Variants in CDC42BPA observed in about 807,000 individuals in gnomAD.
CDC42BPA encodes the protein CDC42 binding protein kinase alpha.
CDC42BPA carries 80 observed loss-of-function variants against 223.5 expected under a neutral mutation model. The ratio of observed to expected loss-of-function variants is 0.36; its 90% CI spans 0.30 to 0.43. CDC42BPA has a LOEUF of 0.43. CDC42BPA is among the 20% of genes least tolerant of loss of function. The pLI is 1.00. For missense variants in CDC42BPA, 1,743 were observed against 2,099.9 expected (o/e 0.83, Z 3.32); for synonymous variants, 694 against 718.6 (o/e 0.97, Z 0.55).
chr1:227,146,289 G>C (rs1660694801), intron 7 of CDC42BPA, among the ~76,000 whole-genome samples: 1 of 152,014 alleles, frequency 6.6e-6, no homozygotes, highest in African/African-American at 2.4e-5. Context: ...GGCAGAACCA[G>C]AATTTGAACT....
intron 12 of CDC42BPA, among the ~76,000 whole-genome samples, chr1:227,116,633 A>G (rs1417437966): frequency 6.6e-6 from 1 of 152,236 alleles, no homozygotes; most frequent in Non-Finnish European, 1.5e-5. Flanking sequence ...AAAGAACTTT[A>G]AATATATGGA....
intron 5 of CDC42BPA, among the ~76,000 whole-genome samples, chr1:227,166,480 A>G (rs1273267378): frequency 6.6e-6 from 1 of 152,246 alleles, no homozygotes; most frequent in Non-Finnish European, 1.5e-5. Flanking sequence ...AGTAAGGCGT[A>G]AAACTTACAT....
At chr1:227,000,046 T>C (rs1437360711) in intron 35 of CDC42BPA, among the ~76,000 whole-genome samples, 1 of 151,800 alleles carries the variant, frequency 6.6e-6, no homozygotes, top group Admixed American at 6.6e-5. Flanking sequence ...CATGTATACC[T>C]ATGTAACAAA....
At chr1:227,304,565 A>C (rs1294953156) in intron 1 of CDC42BPA, among the ~76,000 whole-genome samples, 1 of 152,222 alleles carries the variant, frequency 6.6e-6, no homozygotes, top group Non-Finnish European at 1.5e-5. Flanking sequence ...TATGAGTTTC[A>C]TACAATGTTT....
At chr1:227,255,646 C>A (rs1162555176) in intron 1 of CDC42BPA, among the ~76,000 whole-genome samples, 4 of 152,124 alleles carry the variant, frequency 2.6e-5, no homozygotes, top group Non-Finnish European at 5.9e-5. Flanking sequence ...ACAGCAAGAT[C>A]CTGTCTCTTA....
At chr1:227,313,996 A>AC (rs1693962387) in intron 1 of CDC42BPA, among the ~76,000 whole-genome samples, 2 of 91,214 alleles carry the variant, frequency 2.2e-5, no homozygotes, top group African/African-American at 7.6e-5. Context: ...TTTATTTTGT[A>AC]TTAATATTAT....
intron 21 of CDC42BPA, among the ~76,000 whole-genome samples, chr1:227,064,026 G>A (rs765121408): frequency 6.6e-6 from 1 of 152,174 alleles, no homozygotes; most frequent in Non-Finnish European, 1.5e-5. Flanking sequence ...GCCTGCCAAT[G>A]TTGTCAGACT....
chr1:227,123,130 C>T (rs753758353), intron 11 of CDC42BPA, among the ~76,000 whole-genome samples: 1 of 152,168 alleles, frequency 6.6e-6, no homozygotes, highest in Admixed American at 6.5e-5. Context: ...TGGTGAAACC[C>T]CATCTCTACT....
In CDC42BPA at chr1:227,193,824, T is replaced by G; in HGVS notation, c.561A>C (p.Ile187=). The change falls in exon 5 of 37, where the codon ATA becomes ATC. Residue 187 remains isoleucine (I), a synonymous_variant. Transcript: ENST00000366766. ...GTAGCTGATGAACTGAGTCAATTGC[T>G]ATCACCATCTCAGCCAAGTAAAATC... The part of the protein sequence containing the change: ...MARFYLAEMV[I]AIDSVHQLHY... 1.9e-6 allele frequency: 3 copies of G among 1,613,440 alleles called. No homozygotes were observed. Among genetic ancestry groups the G allele is most frequent in the Non-Finnish European group, 2.5e-6 (3 of 1,179,708 alleles).
chr1:227,166,755 C>G (rs1020366865), intron 5 of CDC42BPA, among the ~76,000 whole-genome samples: 3 of 152,120 alleles, frequency 2.0e-5, no homozygotes, highest in African/African-American at 7.2e-5. Context: ...TTAGTGCTCA[C>G]TAGGGGCGGG....
intron 5 of CDC42BPA, among the ~76,000 whole-genome samples, chr1:227,175,710 T>C (rs1031483982): frequency 6.6e-6 from 1 of 152,186 alleles, no homozygotes; most frequent in Non-Finnish European, 1.5e-5. Flanking sequence ...ATTTGACTCC[T>C]GTATCCTTCA....
intron 17 of CDC42BPA, among the ~76,000 whole-genome samples, chr1:227,075,319 C>T (rs754100592): frequency 1.1e-4 from 17 of 152,086 alleles, no homozygotes; most frequent in Non-Finnish European, 2.1e-4. Context: ...AGCATGTATC[C>T]GATGCATACA....
At chr1:227,297,981 C>CACACACACATATATACAT (rs1412656758) in intron 1 of CDC42BPA, among the ~76,000 whole-genome samples, 1 of 139,400 alleles carries the variant, frequency 7.2e-6, no homozygotes, top group African/African-American at 2.8e-5. Flanking sequence ...CACACACACA[C>CACACACACATATATACAT]ATATATACAT....
intron 15 of CDC42BPA, among the ~76,000 whole-genome samples, chr1:227,093,563 A>G (rs1489976696): frequency 6.6e-6 from 1 of 152,300 alleles, no homozygotes; most frequent in Non-Finnish European, 1.5e-5. Flanking sequence ...TAACCCAACA[A>G]TGCCATATTC....
chr1:227,290,902 C>T (rs1010996085), intron 1 of CDC42BPA, among the ~76,000 whole-genome samples: 4 of 152,022 alleles, frequency 2.6e-5, no homozygotes, highest in African/African-American at 7.2e-5. Context: ...AAATTCCTTT[C>T]GAAAATGATA....
intron 1 of CDC42BPA, among the ~76,000 whole-genome samples, chr1:227,281,740 T>G (rs531967072): frequency 1.3e-5 from 2 of 152,132 alleles, no homozygotes; most frequent in Non-Finnish European, 2.9e-5. Context: ...AGACAAAGCA[T>G]GAGGCTGAGC....
chr1:227,093,609 G>T (rs1383656890), intron 15 of CDC42BPA, among the ~76,000 whole-genome samples: 2 of 152,100 alleles, frequency 1.3e-5, no homozygotes, highest in Non-Finnish European at 2.9e-5. Flanking sequence ...GTTCAACAAT[G>T]TACAGCCAAT....
rs1210678987 is a variant in CDC42BPA, at chr1:227,072,262, G to C, written c.2773C>G (p.Leu925Val). Residue 925 changes from leucine to valine, a missense_variant, in exon 20 of 37, where the codon CTC becomes GTC. Transcript: ENST00000366766. ...TTTATCAGCTGTTCGATTTCTGAGA[G>C]TAGTTCCAAGTTCTTCTTCTCTGAA... ...KDSEKKNLEL[L>V]SEIEQLIKDT... 1.2e-6 allele frequency: 2 copies of C among 1,607,064 alleles called. No individual in the cohort carries two copies. Among genetic ancestry groups the C allele is most frequent in the Admixed American group, 1.7e-5 (1 of 59,820 alleles).
intron 1 of CDC42BPA, among the ~76,000 whole-genome samples, chr1:227,309,582 G>C (rs140810686): frequency 1.3e-4 from 20 of 152,228 alleles, no homozygotes; most frequent in African/African-American, 4.3e-4. Flanking sequence ...ACTGTAACAG[G>C]ATTTTAAAAC....
Sources: allele counts gnomAD v4.1 joint callset (sites outside exome capture counted in the v4.1 genomes callset), GRCh38; gene constraint gnomAD v4.1.1; transcripts MANE v1.5; gene names NCBI Gene and HGNC (gene_info 2026-07-23, HGNC 2026-07-21).